USP35: variants seen among roughly 807,000 people sequenced by gnomAD.
The protein encoded by USP35 is ubiquitin specific peptidase 35.
Under a neutral mutation model 83.8 loss-of-function variants are expected in USP35, and 69 were observed. The ratio of observed to expected loss-of-function variants is 0.82; its 90% CI spans 0.68 to 1.01. The LOEUF (loss-of-function observed/expected upper bound fraction) is 1.01, where lower values mean the gene tolerates loss of function less well. USP35 is among the 50% of genes least tolerant of loss of function. The pLI is 0.00. For missense variants in USP35, 1,503 were observed against 1,362.5 expected (o/e 1.10, Z -1.62); for synonymous variants, 714 against 589.5 (o/e 1.21, Z -3.06).
chr11:78,217,824 G>A (rs1287887286), downstream of USP35: 1 of 152,274 alleles, frequency 6.6e-6, no homozygotes, highest in Non-Finnish European at 1.5e-5. Context: ...GCCGGCACCA[G>A]GCCAGACTCG....
intron 8 of USP35, among the ~76,000 whole-genome samples, chr11:78,207,958 A>G (rs1270117116): frequency 6.6e-6 from 1 of 152,210 alleles, no homozygotes; most frequent in African/African-American, 2.4e-5. Flanking sequence ...TTTATTTCTC[A>G]GTTTTGGAAG....
the USP35 span, among the ~76,000 whole-genome samples, chr11:78,224,921 G>C: frequency 1.3e-5 from 2 of 152,086 alleles, no homozygotes; most frequent in Non-Finnish European, 2.9e-5. Flanking sequence ...ATTTCTTCCA[G>C]ACTAGAATAC....
chr11:78,225,006 G>A, the USP35 span: 2 of 727,204 alleles, frequency 2.8e-6, no homozygotes, highest in Non-Finnish European at 4.8e-6. Flanking sequence ...TCCTAAGATG[G>A]AGACGCCATC....
At chr11:78,226,616 TGGG>T in the USP35 span, 18 of 492,756 alleles carry the variant, frequency 3.7e-5, no homozygotes, top group Non-Finnish European at 5.4e-5. Flanking sequence ...GGGGGCGGGG[TGGG>T]GGAGCTATGG....
chr11:78,212,346 A>ACAGCATAGTTTGAAGTCAGGT (rs1451107365), intron 10 of USP35, among the ~76,000 whole-genome samples: 5 of 152,318 alleles, frequency 3.3e-5, no homozygotes, highest in Non-Finnish European at 7.4e-5. Context: ...AGTAAGCAAA[A>ACAGCATAGTTTGAAGTCAGGT]CAGCATAGTT....
chr11:78,225,055 A>G, the USP35 span: 118 of 1,090,436 alleles, frequency 1.1e-4, 1 homozygote, highest in Admixed American at 7.4e-5. Context: ...ATAAGGTGTG[A>G]CCTTTTACCT....
At chr11:78,229,819 C>T in the USP35 span, among the ~76,000 whole-genome samples, 1 of 152,186 alleles carries the variant, frequency 6.6e-6, no homozygotes, top group African/African-American at 2.4e-5. Context: ...GGCTTTGCTG[C>T]ATTGTTGGGC....
At chr11:78,197,492 G>C (rs144966293) in intron 2 of USP35, among the ~76,000 whole-genome samples, 1 of 152,280 alleles carries the variant, frequency 6.6e-6, no homozygotes, top group Non-Finnish European at 1.5e-5. Context: ...CTTCCCTGGT[G>C]ATGAGGCTCT....
At chr11:78,199,898 C>T (rs1371002421) in intron 4 of USP35, among the ~76,000 whole-genome samples, 174 bp downstream of exon 4, 2 of 152,224 alleles carry the variant, frequency 1.3e-5, no homozygotes, top group Non-Finnish European at 2.9e-5. Flanking sequence ...GTTTCCCTGA[C>T]TACTCATCCA....
chr11:78,230,427 C>T, the USP35 span, among the ~76,000 whole-genome samples: 1 of 152,244 alleles, frequency 6.6e-6, no homozygotes, highest in African/African-American at 2.4e-5. Flanking sequence ...CCACAAGAAG[C>T]CTTTTCACTC....
the USP35 span, among the ~76,000 whole-genome samples, chr11:78,229,146 G>A: frequency 4.9e-3 from 745 of 152,292 alleles, 6 homozygotes; most frequent in Non-Finnish European, 7.7e-3. Context: ...CTTGCTGGGG[G>A]TGGTGGTAGA....
In USP35 at chr11:78,213,622, G is replaced by C; in HGVS notation, c.2890-24G>C. ...TTCAGGGTGTGAATTCTAAGTCTAA[G>C]TCTCCTCTCATCTGTGTTCCCAGGA... On this transcript the variant is annotated intron_variant, in intron 10 of 10. Coordinates refer to ENST00000529308, the MANE Select transcript of USP35 (RefSeq NM_020798.4). 2.1e-6 allele frequency: 3 copies of C among 1,420,954 alleles called. No homozygotes were observed. The South Asian group carries it at 4.8e-5, about 23-fold the overall frequency. 88.0% of individuals were successfully genotyped at this position (1,420,954 alleles called of 1,614,324 possible).
At chr11:78,226,983 A>G in the USP35 span, 4 of 1,613,880 alleles carry the variant, frequency 2.5e-6, 1 homozygote, top group South Asian at 3.3e-5. Context: ...GCCCTGGGCA[A>G]GTTTTTGTAC....
chr11:78,210,841 T>C (rs1055397532), intron 10 of USP35, 97 bp downstream of exon 10: 1 of 1,300,432 alleles, frequency 7.7e-7, no homozygotes, highest in South Asian at 1.6e-5. Context: ...TAAGTCTTTT[T>C]TGTAAATCCC....
At chr11:78,192,423 C>T (rs974294822) in intron 1 of USP35, among the ~76,000 whole-genome samples, 3 of 152,248 alleles carry the variant, frequency 2.0e-5, no homozygotes, top group Non-Finnish European at 2.9e-5. Context: ...TTCATTCCTG[C>T]CAGTGGGATA....
Position 78,189,058 on chromosome 11 carries a change from G to T in USP35, c.-110G>T. On this transcript the variant is annotated 5_prime_UTR_variant, in exon 1 of 11. Transcript: ENST00000529308. Reference sequence around the variant, plus strand: ...GGCTGAGGGCGTCCCCACCCTGGGGGGAGCAGAGGACCAGCCCTGACCTAG... The same window carrying T: ...GGCTGAGGGCGTCCCCACCCTGGGGTGAGCAGAGGACCAGCCCTGACCTAG... The T allele has an allele frequency of 2.8e-6, 2 of 720,144 alleles. No homozygotes were observed. The highest frequency in any genetic ancestry group is 3.4e-6 in the Non-Finnish European group (2 of 587,708). 44.6% of individuals were successfully genotyped at this position (720,144 alleles called of 1,614,324 possible).
rs1201343887 is a variant in USP35, at chr11:78,214,036, G to GGTTAACTTGAAGCAGCCGA, written c.*225_*243dup. 3 of 472,078 alleles carry GGTTAACTTGAAGCAGCCGA rather than the reference G, an allele frequency of 6.4e-6. No individual in the cohort carries two copies. The East Asian group carries it at 1.2e-4, about 18-fold the overall frequency. 29.2% of individuals were successfully genotyped at this position (472,078 alleles called of 1,614,324 possible). A position where few individuals can be genotyped will look rare whatever the true frequency, so the allele number is the denominator to read the frequency against. ...TTAAAACTTTACACCCAAGTGTCCT[G>GGTTAACTTGAAGCAGCCGA]GTTAACTTGAAGCAGCCGAGATGGG... On this transcript the variant is annotated 3_prime_UTR_variant, in exon 11 of 11. Coordinates refer to ENST00000529308, the MANE Select transcript of USP35 (RefSeq NM_020798.4).
the USP35 span, among the ~76,000 whole-genome samples, chr11:78,223,938 TG>T: frequency 6.6e-6 from 1 of 152,078 alleles, no homozygotes. Context: ...AAGTATTAGC[TG>T]GGCGTGGTGG....
the USP35 span, among the ~76,000 whole-genome samples, chr11:78,234,785 ATTG>A: frequency 6.6e-6 from 1 of 151,906 alleles, no homozygotes; most frequent in African/African-American, 2.4e-5. Context: ...TCCTGACTTT[ATTG>A]TTGTTCTTTT....
Sources: allele counts gnomAD v4.1 joint callset (sites outside exome capture counted in the v4.1 genomes callset), GRCh38; gene constraint gnomAD v4.1.1; transcripts MANE v1.5; gene names NCBI Gene and HGNC (gene_info 2026-07-23, HGNC 2026-07-21).